STAG1: variants seen among roughly 807,000 people sequenced by gnomAD.
The protein encoded by STAG1 is cohesin subunit SA-1.
STAG1 carries 26 observed loss-of-function variants against 170.9 expected under a neutral mutation model. The observed-to-expected ratio is 0.15, with a 90% CI of 0.11 to 0.21. STAG1 has a LOEUF of 0.21. STAG1 is among the 10% of genes least tolerant of loss of function. The pLI is 1.00. For synonymous variants in STAG1, 514 were observed against 497.7 expected (o/e 1.03, Z -0.44); for missense variants, 964 against 1,509.5 (o/e 0.64, Z 5.99).
intron 4 of STAG1, among the ~76,000 whole-genome samples, chr3:136,574,127 G>A (rs780067830): frequency 5.3e-5 from 8 of 152,006 alleles, no homozygotes; most frequent in African/African-American, 1.5e-4. Flanking sequence ...TATAGTCCCA[G>A]CTACTCGGGA....
chr3:136,336,830 A>G lies in STAG1; in HGVS notation c.*1424T>C, dbSNP rs1462844541. On this transcript the variant is annotated 3_prime_UTR_variant, in exon 34 of 34. Coordinates refer to ENST00000383202, the MANE Select transcript of STAG1 (RefSeq NM_005862.3). ...TCACTGGGTGTGCAGAATTTTAAAA[A>G]ATGTTTTTCGTATTTGATAAAAAGG... 1.3e-5 allele frequency: 2 copies of G among 152,230 alleles called. No homozygotes were observed. Among genetic ancestry groups the G allele is most frequent in the Non-Finnish European group, 2.9e-5 (2 of 68,042 alleles). 9.4% of individuals were successfully genotyped at this position (152,230 alleles called of 1,614,324 possible). A position where few individuals can be genotyped will look rare whatever the true frequency, so the allele number is the denominator to read the frequency against.
intron 1 of STAG1, among the ~76,000 whole-genome samples, chr3:136,720,496 T>C (rs1933177653): frequency 3.3e-5 from 5 of 152,000 alleles, no homozygotes; most frequent in Admixed American, 3.3e-4. Flanking sequence ...ACAACTAAAA[T>C]GAACCAACTT....
At chr3:136,526,256 T>C (rs1203824126) in intron 6 of STAG1, among the ~76,000 whole-genome samples, 2 of 152,232 alleles carry the variant, frequency 1.3e-5, no homozygotes, top group Non-Finnish European at 2.9e-5. Flanking sequence ...CTCTAAGGAC[T>C]TTCCTTATGA....
At chr3:136,493,542 C>T (rs2090159533) in intron 9 of STAG1, among the ~76,000 whole-genome samples, 1 of 151,504 alleles carries the variant, frequency 6.6e-6, no homozygotes, top group Non-Finnish European at 1.5e-5. Flanking sequence ...GTAGTCCCAA[C>T]TACTCAGGGG....
chr3:136,385,343 G>A (rs1371808764), intron 22 of STAG1, among the ~76,000 whole-genome samples: 1 of 152,156 alleles, frequency 6.6e-6, no homozygotes, highest in Non-Finnish European at 1.5e-5. Flanking sequence ...AGGAGGCTGA[G>A]GCGGGAGGAT....
intron 5 of STAG1, among the ~76,000 whole-genome samples, chr3:136,544,048 G>C (rs1168170707): frequency 1.3e-5 from 2 of 152,006 alleles, no homozygotes; most frequent in Non-Finnish European, 2.9e-5. Flanking sequence ...CCAAAACCAG[G>C]GAAAGTAATT....
intron 6 of STAG1, among the ~76,000 whole-genome samples, chr3:136,524,180 T>A (rs1473015595): frequency 1.3e-5 from 2 of 152,188 alleles, no homozygotes; most frequent in Non-Finnish European, 2.9e-5. Context: ...ATAAATTACC[T>A]TGGGCAGTAT....
chr3:136,608,510 G>A (rs1426090480), intron 3 of STAG1, among the ~76,000 whole-genome samples: 1 of 146,234 alleles, frequency 6.8e-6, no homozygotes, highest in Non-Finnish European at 1.5e-5. Context: ...CTGGATGACA[G>A]CGAGACCCTA....
chr3:136,399,867 T>C (rs1322252507), intron 21 of STAG1, among the ~76,000 whole-genome samples: 5 of 152,204 alleles, frequency 3.3e-5, no homozygotes, highest in African/African-American at 1.2e-4. Context: ...AAAATACTTA[T>C]TAATTCACTT....
At chr3:136,532,054 A>C (rs1320661856) in intron 6 of STAG1, among the ~76,000 whole-genome samples, 1 of 152,052 alleles carries the variant, frequency 6.6e-6, no homozygotes, top group Non-Finnish European at 1.5e-5. Flanking sequence ...ATTAAAACTA[A>C]AAAAAATACA....
intron 23 of STAG1, among the ~76,000 whole-genome samples, chr3:136,377,333 G>A (rs1937654602): frequency 8.4e-6 from 1 of 119,492 alleles, no homozygotes; most frequent in Admixed American, 1.1e-4. Flanking sequence ...CTTGCAGTGA[G>A]CCGAGATTGC....
chr3:136,628,461 GA>G (rs1254866194), intron 2 of STAG1, among the ~76,000 whole-genome samples: 1 of 151,374 alleles, frequency 6.6e-6, no homozygotes, highest in Admixed American at 6.6e-5. Context: ...CAGTGCTGGA[GA>G]AAAAAAAGGG....
chr3:136,498,245 T>TATATATATACAC (rs1933247318), intron 9 of STAG1, among the ~76,000 whole-genome samples: 1 of 68,258 alleles, frequency 1.5e-5, no homozygotes, highest in Non-Finnish European at 2.6e-5. Flanking sequence ...CACATACATA[T>TATATATATACAC]ACATACACAC....
At chr3:136,510,509 C>T (rs750826919) in intron 7 of STAG1, among the ~76,000 whole-genome samples, 8 of 151,872 alleles carry the variant, frequency 5.3e-5, no homozygotes, top group Non-Finnish European at 1.0e-4. Flanking sequence ...AGGCTGGTCT[C>T]GAATGATCTG....
chr3:136,683,021 C>T (rs1323262759), intron 1 of STAG1, among the ~76,000 whole-genome samples: 1 of 152,006 alleles, frequency 6.6e-6, no homozygotes, highest in East Asian at 1.9e-4. Flanking sequence ...CACAAATATA[C>T]AAATATTATA....
intron 1 of STAG1, among the ~76,000 whole-genome samples, chr3:136,632,870 T>C (rs1253435773): frequency 2.0e-5 from 3 of 152,050 alleles, no homozygotes; most frequent in South Asian, 2.1e-4. Context: ...AAAGAACCTA[T>C]CTGCAAATAC....
intron 10 of STAG1, among the ~76,000 whole-genome samples, chr3:136,474,425 G>C (rs1029449298): frequency 1.3e-5 from 2 of 152,144 alleles, no homozygotes; most frequent in African/African-American, 4.8e-5. Context: ...CTGATACTCA[G>C]GTTTCTTGTT....
intron 30 of STAG1, among the ~76,000 whole-genome samples, chr3:136,342,009 A>G (rs1436656402): frequency 6.6e-6 from 1 of 151,968 alleles, no homozygotes; most frequent in Non-Finnish European, 1.5e-5. Flanking sequence ...GTGTGTAAAC[A>G]TGCCTCTAAG....
chr3:136,575,349 C>G (rs1937414746), intron 4 of STAG1, among the ~76,000 whole-genome samples: 1 of 152,166 alleles, frequency 6.6e-6, no homozygotes, highest in Admixed American at 6.5e-5. Flanking sequence ...CTCAGCCTCT[C>G]AAGTAGCTGG....
Sources: allele counts gnomAD v4.1 joint callset (sites outside exome capture counted in the v4.1 genomes callset), GRCh38; gene constraint gnomAD v4.1.1; transcripts MANE v1.5; gene names NCBI Gene and HGNC (gene_info 2026-07-23, HGNC 2026-07-21).